The following NCKAP5 variants were observed in gnomAD, a reference collection of about 807,000 sequenced individuals.
NCKAP5 encodes the protein NCK associated protein 5.
NCKAP5 carries 92 observed loss-of-function variants against 167.0 expected under a neutral mutation model. The observed-to-expected ratio is 0.55, with a 90% CI of 0.47 to 0.66. The LOEUF is 0.66. Among genes scored for constraint, NCKAP5 ranks in the 30% least tolerant of loss-of-function variants. NCKAP5 has a pLI of 0.00. For missense variants in NCKAP5, 2,378 were observed against 2,315.0 expected (o/e 1.03, Z -0.56); for synonymous variants, 891 against 877.4 (o/e 1.02, Z -0.27).
chr2:133,288,356 C>T (rs1373802729), intron 4 of NCKAP5, among the ~76,000 whole-genome samples: 1 of 152,118 alleles, frequency 6.6e-6, no homozygotes, highest in Non-Finnish European at 1.5e-5. Context: ...CAACTGATAC[C>T]ATCCATATTT....
chr2:133,298,514 C>T lies in NCKAP5; in HGVS notation c.143+4523G>A, dbSNP rs1290677437. Among the ~76,000 whole-genome samples, 10 of 152,108 alleles carry T rather than the reference C, an allele frequency of 6.6e-5. 1 individual carries two copies. Among genetic ancestry groups the T allele is most frequent in the Admixed American group, 6.6e-4 (10 of 15,262 alleles). ...TTTAATTTAATCATATCTGAGAAGA[C>T]CTAGGTTTTTATTAGCTACCTCAAG... is the stretch of plus-strand genomic sequence containing the variant. On this transcript the variant is annotated intron_variant, in intron 4 of 19. Transcript: ENST00000409261.
chr2:133,371,901 T>C (rs1035068136), intron 3 of NCKAP5, among the ~76,000 whole-genome samples: 1 of 152,190 alleles, frequency 6.6e-6, no homozygotes, highest in Admixed American at 6.5e-5. Context: ...CAAGGATTCA[T>C]TGAGTTGTAT....
intron 5 of NCKAP5, among the ~76,000 whole-genome samples, chr2:133,137,451 T>TGTGTGTGTGTGTG (rs1559179692): frequency 2.5e-4 from 36 of 141,562 alleles, no homozygotes; most frequent in South Asian, 4.6e-4. Flanking sequence ...TGTGTGTGTG[T>TGTGTGTGTGTGTG]TTTGGAAAAG....
At chr2:133,455,405 T>C (rs988822881) in intron 3 of NCKAP5, among the ~76,000 whole-genome samples, 4 of 152,146 alleles carry the variant, frequency 2.6e-5, no homozygotes, top group African/African-American at 9.7e-5. Context: ...GATTTTCCAA[T>C]GTCTTTATTA....
chr2:133,096,973 A>G (rs1218952655), intron 6 of NCKAP5, among the ~76,000 whole-genome samples: 1 of 152,206 alleles, frequency 6.6e-6, no homozygotes. Context: ...GGTCTATTGT[A>G]CTTATGTCCC....
intron 6 of NCKAP5, among the ~76,000 whole-genome samples, chr2:133,077,905 A>G (rs900073780): frequency 2.0e-5 from 3 of 152,328 alleles, no homozygotes; most frequent in South Asian, 2.1e-4. Context: ...GTCCTTTTCC[A>G]TCTCACCAAA....
At position 133,303,107 on chromosome 2, in the gene NCKAP5, A is replaced by G; in HGVS notation, c.73T>C (p.Tyr25His). Residue 25 changes from tyrosine (Y) to histidine (H), a missense_variant, in exon 4 of 20, where the codon TAC (tyrosine) becomes CAC (histidine). Physicochemically the swap from Tyr to His is moderately conservative, Grantham distance 83 (BLOSUM62 2). Around this residue, in one of 3 missense-constraint regions of NCKAP5, gnomAD observed 1,049 missense variants for 1,023.4 expected, o/e 1.02. Coordinates refer to ENST00000409261, the MANE Select transcript of NCKAP5 (RefSeq NM_207363.3). ...TCAATGTATTTATTGGAGTCCATGT[A>G]TTCCTGCACAAGCAGACAAAGACAG... ...RLSLDSSLVE[Y>H]MDSNKYIEHL... 6.3e-7 allele frequency: 1 copy of G among 1,581,914 alleles called. No individual in the cohort carries two copies. The highest frequency in any genetic ancestry group is 8.6e-7 in the Non-Finnish European group (1 of 1,162,614).
At chr2:132,841,282 A>C (rs2105424194) in intron 11 of NCKAP5, among the ~76,000 whole-genome samples, 1 of 152,206 alleles carries the variant, frequency 6.6e-6, no homozygotes, top group African/African-American at 2.4e-5. Flanking sequence ...AATATATTAT[A>C]ATTTTAGTCC....
chr2:133,129,317 T>C (rs899316609), intron 6 of NCKAP5, among the ~76,000 whole-genome samples: 2 of 150,370 alleles, frequency 1.3e-5, no homozygotes, highest in African/African-American at 4.9e-5. Context: ...CATTGTTCAA[T>C]TCCCACCTAT....
intron 4 of NCKAP5, among the ~76,000 whole-genome samples, chr2:133,217,273 G>T (rs1465593774): frequency 1.3e-5 from 2 of 151,872 alleles, no homozygotes; most frequent in African/African-American, 4.8e-5. Context: ...AAAAGCACAG[G>T]TTGCTGAATA....
intron 4 of NCKAP5, among the ~76,000 whole-genome samples, chr2:133,302,800 A>AAAATAAAT (rs995844335): frequency 2.0e-5 from 3 of 151,184 alleles, no homozygotes; most frequent in African/African-American, 4.8e-5. Flanking sequence ...AAAAATAAAA[A>AAAATAAAT]AAATAAATAA....
chr2:133,150,108 T>C (rs537391743), intron 5 of NCKAP5, among the ~76,000 whole-genome samples: 2 of 152,320 alleles, frequency 1.3e-5, no homozygotes, highest in African/African-American at 4.8e-5. Context: ...CAGTATCCCC[T>C]TACCTATGAT....
chr2:133,451,559 C>CT (rs1182271108), intron 3 of NCKAP5, among the ~76,000 whole-genome samples: 1 of 152,176 alleles, frequency 6.6e-6, no homozygotes, highest in Non-Finnish European at 1.5e-5. Flanking sequence ...ATACACAGAA[C>CT]TTTTTTATCT....
chr2:133,442,121 AC>A (rs984722902), intron 3 of NCKAP5, among the ~76,000 whole-genome samples: 1 of 152,054 alleles, frequency 6.6e-6, no homozygotes, highest in Non-Finnish European at 1.5e-5. Context: ...CCCTGCAGCT[AC>A]CCCCGGAACT....
intron 3 of NCKAP5, among the ~76,000 whole-genome samples, chr2:133,327,268 C>T (rs1682517835): frequency 6.6e-6 from 1 of 152,206 alleles, no homozygotes; most frequent in South Asian, 2.1e-4. Context: ...ACAGCTTCCA[C>T]TAGGGCTGTT....
chr2:133,213,645 T>G, intron 5 of NCKAP5, 71 bp downstream of exon 5: 3 of 1,485,128 alleles, frequency 2.0e-6, no homozygotes, highest in Non-Finnish European at 2.8e-6. Context: ...ATATCCTTAA[T>G]GAGGCAAAGT....
At chr2:133,546,195 C>T (rs1362809522) in intron 2 of NCKAP5, among the ~76,000 whole-genome samples, 12 of 151,296 alleles carry the variant, frequency 7.9e-5, no homozygotes, top group Non-Finnish European at 1.5e-5. Context: ...CAGTGAAGTA[C>T]ATCCAAGAGG....
rs70973417 is a variant in NCKAP5, at chr2:133,200,061, C to CTTTT, written c.207+13651_207+13654dup. On this transcript the variant is annotated intron_variant, in intron 5 of 19. Transcript: ENST00000409261. Reference sequence around the variant, plus strand: ...ATCCCAGTTGGCTTTTTTTTTCTTTCTTTTTTTTTTTTTTTTTTGCAGAAA... The same window carrying CTTTT: ...ATCCCAGTTGGCTTTTTTTTTCTTTCTTTTTTTTTTTTTTTTTTTTTTGCAGAAA... Among the ~76,000 whole-genome samples, 145 of 109,352 alleles carry CTTTT rather than the reference C, an allele frequency of 1.3e-3. 2 individuals are homozygous for CTTTT. Among genetic ancestry groups the CTTTT allele is most frequent in the African/African-American group, 4.0e-3 (115 of 29,088 alleles). The allele number at this position is 109,352 out of a possible 152,430, so 71.7% of individuals were successfully genotyped here.
intron 6 of NCKAP5, among the ~76,000 whole-genome samples, chr2:133,075,435 A>G (rs1414677899): frequency 6.6e-6 from 1 of 152,226 alleles, no homozygotes; most frequent in Non-Finnish European, 1.5e-5. Context: ...ATGACGAGGT[A>G]AAATCGAGAT....
Sources: allele counts gnomAD v4.1 joint callset (sites outside exome capture counted in the v4.1 genomes callset), GRCh38; gene constraint gnomAD v4.1.1; regional missense constraint gnomAD v4.1.1; transcripts MANE v1.5; gene names NCBI Gene and HGNC (gene_info 2026-07-23, HGNC 2026-07-21).